The following IRAK1BP1 variants were observed in gnomAD, a reference collection of about 807,000 sequenced individuals.
IRAK1BP1 encodes the protein interleukin-1 receptor-associated kinase 1-binding protein 1.
Under a neutral mutation model 28.0 loss-of-function variants are expected in IRAK1BP1, and 24 were observed. The ratio of observed to expected loss-of-function variants is 0.86; its 90% CI spans 0.62 to 1.20. IRAK1BP1 has a LOEUF of 1.20. Among genes scored for constraint, IRAK1BP1 ranks in the 50% most tolerant of loss-of-function variants. The pLI is 0.00. For synonymous variants in IRAK1BP1, 131 were observed against 116.3 expected (o/e 1.13, Z -0.81); for missense variants, 336 against 316.7 (o/e 1.06, Z -0.46).
At chr6:78,949,906 C>G (rs1774049823), downstream of IRAK1BP1, among the ~76,000 whole-genome samples, 1 of 152,090 alleles carries the variant, frequency 6.6e-6, no homozygotes, top group Non-Finnish European at 1.5e-5. Flanking sequence ...TCAGACTGGT[C>G]TCAAACTCCT....
Position 78,898,259 on chromosome 6 carries a change from A to C in IRAK1BP1, c.708A>C (p.Ala236=), listed in dbSNP as rs772337994. The C allele has an allele frequency of 2.5e-6, 4 of 1,613,140 alleles. No homozygotes were observed. The highest frequency in any genetic ancestry group is 3.4e-6 in the Non-Finnish European group (4 of 1,179,616). ...CTGTACAACAAAAAATCAAAAGTGC[A>C]ACAATACATGCTGCTTCAAAAGTAT... The part of the protein sequence containing the change: ...SLTVQQKIKS[A]TIHAASKVFI... The change falls in exon 4 of 4, where the codon GCA becomes GCC. Residue 236 remains alanine, a synonymous_variant. Coordinates refer to ENST00000369940, the MANE Select transcript of IRAK1BP1 (RefSeq NM_001010844.4).
intron 4 of IRAK1BP1, among the ~76,000 whole-genome samples, chr6:78,911,725 T>C (rs1220364126): frequency 6.6e-6 from 1 of 152,196 alleles, no homozygotes; most frequent in Non-Finnish European, 1.5e-5. Context: ...ATTATCTGAG[T>C]ACTCTGTACC....
At position 78,867,873 on chromosome 6, in the gene IRAK1BP1, C is replaced by A; in HGVS notation, c.297C>A (p.Leu99=). The A allele has an allele frequency of 6.3e-7, 1 of 1,598,408 alleles. No individual in the cohort carries two copies. Among genetic ancestry groups the A allele is most frequent in the East Asian group, 2.3e-5 (1 of 44,110 alleles). ...CRRLDYITQS[L]QQQGVQAENI... is the part of the protein sequence containing the mutation. ...GTCTAGATTACATCACGCAGAGCCT[C>A]CAGCAGCAGGGCGTGCAGGTGAGAT... Residue 99 remains leucine (L), a synonymous_variant, in exon 1 of 4, where the codon CTC becomes CTA. Coordinates refer to ENST00000369940, the MANE Select transcript of IRAK1BP1 (RefSeq NM_001010844.4).
At chr6:78,955,085 C>T in the IRAK1BP1 span, 1 of 890,642 alleles carries the variant, frequency 1.1e-6, no homozygotes, top group South Asian at 2.0e-5. Flanking sequence ...AAATATTCAC[C>T]AAGTTCTAAA....
At chr6:78,888,721 G>A (rs1318787673) in intron 2 of IRAK1BP1, among the ~76,000 whole-genome samples, 1 of 151,988 alleles carries the variant, frequency 6.6e-6, no homozygotes, top group Non-Finnish European at 1.5e-5. Context: ...GGCCAGGCTG[G>A]TCTGGCCAAC....
Position 78,903,025 on chromosome 6 carries a change from A to G in IRAK1BP1, c.*4691A>G. 1 of 1,525,084 alleles carries G rather than the reference A, an allele frequency of 6.6e-7. No homozygotes were observed. The highest frequency in any genetic ancestry group is 8.8e-7 in the Non-Finnish European group (1 of 1,140,292). The allele number at this position is 1,525,084 out of a possible 1,614,324, so 94.5% of individuals were successfully genotyped here. Reference sequence around the variant, plus strand: ...GGAATCCTTCTTCAACATCCCAACCAACAATTACTCCCAGATAGCCATGTC... The same window carrying G: ...GGAATCCTTCTTCAACATCCCAACCGACAATTACTCCCAGATAGCCATGTC... On this transcript the variant is annotated 3_prime_UTR_variant, in exon 4 of 4. Coordinates refer to ENST00000369940, the MANE Select transcript of IRAK1BP1 (RefSeq NM_001010844.4).
At chr6:78,920,851 C>G (rs185329216) in intron 4 of IRAK1BP1, among the ~76,000 whole-genome samples, 205 of 152,194 alleles carry the variant, frequency 1.3e-3, no homozygotes, top group African/African-American at 4.8e-3. Flanking sequence ...GAGTAAACAA[C>G]CTACAGAATG....
rs540543740 is a variant in IRAK1BP1 at position 78,874,749 on chromosome 6, G to A, written c.315+6858G>A. On this transcript the variant is annotated intron_variant, in intron 1 of 3. Transcript: ENST00000369940. ...ATAATGGCTGATTTTACAGTGTTGTGTCCCAGTCCATTTATTTAAATGCTT... is the reference window on the plus strand; with the variant it reads ...ATAATGGCTGATTTTACAGTGTTGTATCCCAGTCCATTTATTTAAATGCTT... 4.1e-4 allele frequency among the ~76,000 whole-genome samples: 62 copies of A among 152,224 alleles called. 1 individual carries two copies. The Middle Eastern group carries it at 0.01, about 25-fold the overall frequency.
the IRAK1BP1 span, chr6:78,958,733 C>T: frequency 3.1e-6 from 2 of 641,532 alleles, no homozygotes; most frequent in South Asian, 3.8e-5. Context: ...CTTATAAAGT[C>T]ATTTTCAAAG....
At chr6:78,959,423 G>A in the IRAK1BP1 span, among the ~76,000 whole-genome samples, 1 of 152,074 alleles carries the variant, frequency 6.6e-6, no homozygotes, top group Non-Finnish European at 1.5e-5. Context: ...TATCTTCAGT[G>A]TATCATATAG....
chr6:78,929,913 G>A (rs1035215566), intron 4 of IRAK1BP1, among the ~76,000 whole-genome samples: 3 of 136,166 alleles, frequency 2.2e-5, no homozygotes, highest in Non-Finnish European at 4.7e-5. Context: ...CAAATAAATT[G>A]AATCATAATT....
At chr6:78,891,922 A>G (rs1234496012) in intron 2 of IRAK1BP1, among the ~76,000 whole-genome samples, 1 of 151,982 alleles carries the variant, frequency 6.6e-6, no homozygotes, top group Non-Finnish European at 1.5e-5. Context: ...ATATTATTCC[A>G]TCCAATCTTT....
chr6:78,870,957 A>C (rs1015694694), intron 1 of IRAK1BP1, among the ~76,000 whole-genome samples: 2 of 151,142 alleles, frequency 1.3e-5, no homozygotes, highest in Non-Finnish European at 1.5e-5. Context: ...CCCCACCTCA[A>C]CCTCCCAAAA....
chr6:78,946,301 A>T, exon 5 of IRAK1BP1: 1 of 1,546,772 alleles, frequency 6.5e-7, no homozygotes. Context: ...TTATAGCTCT[A>T]TGTGAACGAA....
chr6:78,914,382 C>G (rs992257827), intron 4 of IRAK1BP1, among the ~76,000 whole-genome samples: 1 of 152,054 alleles, frequency 6.6e-6, no homozygotes, highest in African/African-American at 2.4e-5. Context: ...TGTATAATAC[C>G]TTCATGTTTC....
At chr6:78,958,576 T>C in the IRAK1BP1 span, 2 of 1,580,338 alleles carry the variant, frequency 1.3e-6, no homozygotes, top group Non-Finnish European at 1.7e-6. Context: ...TATATCGAAC[T>C]TCCCACATTA....
At chr6:78,874,709 C>A (rs1029512467) in intron 1 of IRAK1BP1, among the ~76,000 whole-genome samples, 1 of 152,136 alleles carries the variant, frequency 6.6e-6, no homozygotes, top group African/African-American at 2.4e-5. Flanking sequence ...ATTCAGTTTA[C>A]AAATTAATTT....
chr6:78,880,835 A>G (rs1171273648), intron 1 of IRAK1BP1, among the ~76,000 whole-genome samples: 1 of 152,210 alleles, frequency 6.6e-6, no homozygotes, highest in Admixed American at 6.5e-5. Context: ...AAATACTGCT[A>G]TGTACCTATT....
the IRAK1BP1 span, chr6:78,970,083 T>G: frequency 6.2e-7 from 1 of 1,613,656 alleles, no homozygotes; most frequent in Non-Finnish European, 8.5e-7. Context: ...AGTTTACCAG[T>G]ATCAGGATCT....
Sources: gnomAD v4.1 joint callset for allele counts (sites outside exome capture counted in the v4.1 genomes callset) on GRCh38, gnomAD v4.1.1 for gene constraint, MANE v1.5 for transcripts, NCBI Gene and HGNC (gene_info 2026-07-23, HGNC 2026-07-21) for gene names.